Variants in ABCC1 observed in about 807,000 individuals in gnomAD.
ABCC1 encodes the protein multidrug resistance-associated protein 1.
ABCC1 carries 83 observed loss-of-function variants against 172.9 expected under a neutral mutation model. That is an observed-to-expected ratio of 0.48 (90% CI 0.40 to 0.58). The LOEUF is 0.58. ABCC1 is among the 20% of genes least tolerant of loss of function. The pLI, the probability that ABCC1 is intolerant of heterozygous loss-of-function variation, is 0.00. For synonymous variants in ABCC1, 937 were observed against 825.2 expected, an observed-to-expected ratio of 1.14 and a Z score of -2.32; for missense variants, 1,817 against 2,002.7, an observed-to-expected ratio of 0.91 and a Z score of 1.77.
At chr16:15,963,992 A>G (rs1279620019) in intron 1 of ABCC1, among the ~76,000 whole-genome samples, 1 of 150,970 alleles carries the variant, frequency 6.6e-6, no homozygotes, top group Non-Finnish European at 1.5e-5. Flanking sequence ...TGCCCAGGCT[A>G]GAGTGCAATG....
chr16:16,132,337 T>C (rs2644990), intron 27 of ABCC1, among the ~76,000 whole-genome samples: 54,983 of 149,620 alleles, frequency 0.37, 10,667 homozygotes, highest in Middle Eastern at 0.46. Flanking sequence ...TGCACCTGGC[T>C]AATTTTTGTA....
chr16:16,099,887 C>T (rs1214551624), intron 19 of ABCC1, among the ~76,000 whole-genome samples: 1 of 152,178 alleles, frequency 6.6e-6, no homozygotes. Context: ...GGTTTGAGAC[C>T]AGCCTGGCCA....
intron 12 of ABCC1, chr16:16,056,678 C>CA (rs2049670116): frequency 9.0e-6 from 2 of 223,020 alleles, no homozygotes; most frequent in African/African-American, 2.3e-5. Flanking sequence ...CAAAAACAAA[C>CA]AAAAAAGTCA....
chr16:15,953,362 G>A (rs1011276077), intron 1 of ABCC1, among the ~76,000 whole-genome samples: 9 of 152,060 alleles, frequency 5.9e-5, no homozygotes, highest in South Asian at 4.1e-4. Flanking sequence ...CAGGCCCTGT[G>A]TAGAAAAATT....
chr16:16,083,858 C>T (rs1256329700), intron 17 of ABCC1, among the ~76,000 whole-genome samples: 3 of 152,176 alleles, frequency 2.0e-5, no homozygotes, highest in African/African-American at 2.4e-5. Flanking sequence ...TTAAAGTACA[C>T]TGTCCCTTCT....
At chr16:16,071,071 T>G (rs1194709639) in intron 13 of ABCC1, among the ~76,000 whole-genome samples, 1 of 151,904 alleles carries the variant, frequency 6.6e-6, no homozygotes, top group Non-Finnish European at 1.5e-5. Context: ...CCTTTTCTTC[T>G]TTTATTTTTA....
rs45454694 is a variant in ABCC1, at chr16:16,102,879, G to A, written c.2735+162G>A. Reference sequence around the variant, plus strand: ...AGGACCTTGCTTTTCAGAGTACAGAGGCCCAAAGAAGGAATGTGGCACTCT... The same window carrying A: ...AGGACCTTGCTTTTCAGAGTACAGAAGCCCAAAGAAGGAATGTGGCACTCT... On this transcript the variant is annotated intron_variant, in intron 20 of 30. Transcript: ENST00000399410. Among the ~76,000 whole-genome samples the A allele has an allele frequency of 7.4e-3, 1,134 of 152,248 alleles. 15 individuals are homozygous for A. The highest frequency in any genetic ancestry group is 0.026 in the African/African-American group (1,085 of 41,514).
intron 1 of ABCC1, among the ~76,000 whole-genome samples, chr16:15,965,314 C>T (rs1367273360): frequency 2.7e-5 from 4 of 150,770 alleles, no homozygotes; most frequent in African/African-American, 4.9e-5. Context: ...ATTTTTGAGA[C>T]GGAGTCTTGT....
intron 12 of ABCC1, among the ~76,000 whole-genome samples, chr16:16,060,508 C>T (rs1031344929): frequency 1.3e-5 from 2 of 152,038 alleles, no homozygotes; most frequent in Non-Finnish European, 2.9e-5. Context: ...TACCGGGGTG[C>T]GTTGATGAAC....
chr16:16,041,856 G>T (rs1478264887), intron 7 of ABCC1, among the ~76,000 whole-genome samples: 1 of 152,114 alleles, frequency 6.6e-6, no homozygotes, highest in African/African-American at 2.4e-5. Flanking sequence ...CAGTACGTTG[G>T]GAGGCTGAGG....
intron 2 of ABCC1, among the ~76,000 whole-genome samples, chr16:16,008,243 T>G (rs1397955448): frequency 6.6e-6 from 1 of 152,116 alleles, no homozygotes; most frequent in Non-Finnish European, 1.5e-5. Flanking sequence ...TTTCCCTGTT[T>G]ATGCAATAGG....
rs771942122 is a variant in ABCC1 at position 16,071,626 on chromosome 16, A to G, written c.1825-16A>G. 2.5e-6 allele frequency: 4 copies of G among 1,611,608 alleles called. No homozygotes were observed. The highest frequency in any genetic ancestry group is 1.6e-4 in the Middle Eastern group (1 of 6,080). On this transcript the variant is annotated splice_polypyrimidine_tract_variant and intron_variant, in intron 13 of 30. Coordinates refer to ENST00000399410, the MANE Select transcript of ABCC1 (RefSeq NM_004996.4). ...TTTTTAAAAATAACTCTCCCCTGCC[A>G]TTGCTCTCTGTACAGGCGAGTGTCT...
intron 21 of ABCC1, among the ~76,000 whole-genome samples, chr16:16,107,370 A>G (rs1567412932): frequency 1.3e-5 from 2 of 151,830 alleles, no homozygotes; most frequent in Non-Finnish European, 2.9e-5. Flanking sequence ...GCTCACTACA[A>G]CCTCTGCCTC....
At chr16:16,095,994 A>G (rs1001560771) in intron 19 of ABCC1, among the ~76,000 whole-genome samples, 2 of 151,922 alleles carry the variant, frequency 1.3e-5, no homozygotes, top group Non-Finnish European at 2.9e-5. Context: ...TCAGGAAAAA[A>G]GGTGGCTCAT....
chr16:16,057,379 A>T (rs529108989), intron 12 of ABCC1, among the ~76,000 whole-genome samples: 1 of 151,494 alleles, frequency 6.6e-6, no homozygotes, highest in Non-Finnish European at 1.5e-5. Context: ...AAAAAAAAAA[A>T]AATAAGTAAA....
chr16:16,137,763 G>A (rs115718714), intron 29 of ABCC1, among the ~76,000 whole-genome samples: 1,935 of 151,910 alleles, frequency 0.013, 51 homozygotes, highest in African/African-American at 0.044. Flanking sequence ...ACATTGTCCA[G>A]GCTAGTCTCA....
At chr16:16,092,646 A>G (rs888452282) in intron 19 of ABCC1, among the ~76,000 whole-genome samples, 17 of 152,094 alleles carry the variant, frequency 1.1e-4, no homozygotes, top group Non-Finnish European at 8.8e-5. Context: ...GGTTTTTTCC[A>G]CTTTCTGACT....
chr16:16,043,093 C>T (rs2151870836), intron 7 of ABCC1, among the ~76,000 whole-genome samples: 1 of 151,792 alleles, frequency 6.6e-6, no homozygotes, highest in South Asian at 2.1e-4. Flanking sequence ...AAACTCCTGA[C>T]CTCAAGTGAT....
intron 12 of ABCC1, among the ~76,000 whole-genome samples, chr16:16,060,532 G>GC (rs2049866814): frequency 6.6e-6 from 1 of 151,200 alleles, no homozygotes; most frequent in African/African-American, 2.4e-5. Flanking sequence ...CTCTTTTTTT[G>GC]TTTTTTTTGG....
Sources: gnomAD v4.1 joint callset for allele counts (sites outside exome capture counted in the v4.1 genomes callset) on GRCh38, gnomAD v4.1.1 for gene constraint, MANE v1.5 for transcripts, NCBI Gene and HGNC (gene_info 2026-07-23, HGNC 2026-07-21) for gene names.